Variants in MAPK10 observed in about 807,000 individuals in gnomAD.
MAPK10 encodes mitogen-activated protein kinase 10.
Under a neutral mutation model 59.3 loss-of-function variants are expected in MAPK10, and 25 were observed. That is an observed-to-expected ratio of 0.42 (90% CI 0.31 to 0.59). MAPK10 has a LOEUF of 0.59. Ranked by LOEUF, MAPK10 falls within the 20% of genes least tolerant of loss-of-function variation. The pLI, the probability that MAPK10 is intolerant of heterozygous loss-of-function variation, is 0.15. For missense variants in MAPK10, 351 were observed against 568.9 expected (o/e 0.62, Z 3.90); for synonymous variants, 190 against 200.5 (o/e 0.95, Z 0.44).
intron 11 of MAPK10, among the ~76,000 whole-genome samples, chr4:86,040,619 A>T (rs774117103): frequency 2.0e-5 from 3 of 152,186 alleles, no homozygotes; most frequent in Non-Finnish European, 4.4e-5. Context: ...ACGTAGAGGA[A>T]AGTTAAAGTT....
chr4:86,188,177 T>C (rs1230384238), intron 3 of MAPK10, among the ~76,000 whole-genome samples: 1 of 152,166 alleles, frequency 6.6e-6, no homozygotes, highest in East Asian at 1.9e-4. Context: ...GTTGCAAGTC[T>C]TGCTATTGTG....
At chr4:86,209,271 A>T (rs1262040049) in intron 2 of MAPK10, among the ~76,000 whole-genome samples, 2 of 152,168 alleles carry the variant, frequency 1.3e-5, no homozygotes, top group Admixed American at 6.6e-5. Context: ...GCAATGTTTA[A>T]GAAGCACATG....
intron 2 of MAPK10, among the ~76,000 whole-genome samples, chr4:86,312,274 A>G (rs888816568): frequency 6.6e-6 from 1 of 152,062 alleles, no homozygotes; most frequent in African/African-American, 2.4e-5. Flanking sequence ...TTTATATTAA[A>G]CTAACATGGA....
intron 11 of MAPK10, chr4:86,044,769 T>C (rs2042203749): frequency 2.5e-6 from 1 of 397,474 alleles, no homozygotes. Flanking sequence ...AAAGGAACAA[T>C]GGAAAGAGCA....
At chr4:86,061,053 C>T (rs988150948) in intron 11 of MAPK10, among the ~76,000 whole-genome samples, 2 of 152,070 alleles carry the variant, frequency 1.3e-5, no homozygotes, top group Non-Finnish European at 2.9e-5. Flanking sequence ...ATTTGCTAAG[C>T]ACTTTAACTT....
chr4:86,520,696 TCATATGAACAGTTA>T (rs1757046911), intron 1 of MAPK10, among the ~76,000 whole-genome samples: 1 of 152,186 alleles, frequency 6.6e-6, no homozygotes, highest in Non-Finnish European at 1.5e-5. Flanking sequence ...TCTCGTTTTG[TCATATGAACAGTTA>T]CTTTTTGGCT....
chr4:86,472,791 T>C (rs917990982), intron 1 of MAPK10, among the ~76,000 whole-genome samples: 9 of 152,232 alleles, frequency 5.9e-5, no homozygotes, highest in African/African-American at 1.9e-4. Flanking sequence ...ACACTACAGC[T>C]GTAACAGGAA....
chr4:86,320,581 C>G (rs950775084), intron 2 of MAPK10, among the ~76,000 whole-genome samples: 2 of 152,104 alleles, frequency 1.3e-5, no homozygotes, highest in Non-Finnish European at 2.9e-5. Flanking sequence ...GAGTAGGTTG[C>G]GAAAATTTTC....
chr4:86,169,206 T>A (rs935859227), intron 3 of MAPK10, among the ~76,000 whole-genome samples: 3 of 152,150 alleles, frequency 2.0e-5, no homozygotes, highest in Non-Finnish European at 4.4e-5. Context: ...AGAACAAAGC[T>A]GGACAGAGAA....
chr4:86,570,763 A>T (rs1259140349), intron 1 of MAPK10, among the ~76,000 whole-genome samples: 1 of 152,176 alleles, frequency 6.6e-6, no homozygotes, highest in East Asian at 1.9e-4. Flanking sequence ...TTCAGGAAAG[A>T]CTTCCTGGAG....
At chr4:86,235,471 C>T (rs2092122392) in intron 2 of MAPK10, among the ~76,000 whole-genome samples, 1 of 152,186 alleles carries the variant, frequency 6.6e-6, no homozygotes, top group Non-Finnish European at 1.5e-5. Flanking sequence ...CATCAGGCTG[C>T]AAGCTTATGC....
In MAPK10 at chr4:86,231,486, C is replaced by G. The variant is rs146129626; in HGVS notation, c.-6-37079G>C. Among the ~76,000 whole-genome samples the G allele has an allele frequency of 2.0e-3, 300 of 151,588 alleles. 1 individual carries two copies. The highest frequency in any genetic ancestry group is 7.0e-3 in the African/African-American group (290 of 41,348). ...CTGGCCAACATGATGAAACCCCGTC[C>G]CTACTAAAGAAAAAAAAAATACGAA... On this transcript the variant is annotated intron_variant, in intron 2 of 13. Coordinates refer to ENST00000641462, the MANE Select transcript of MAPK10 (RefSeq NM_138982.4).
At chr4:86,058,072 A>G (rs1178854584) in intron 11 of MAPK10, among the ~76,000 whole-genome samples, 1 of 149,834 alleles carries the variant, frequency 6.7e-6, no homozygotes, top group East Asian at 1.9e-4. Context: ...TTCTGCCAAG[A>G]CTATCAGGTT....
chr4:86,128,216 GTTC>G (rs2149132467), intron 4 of MAPK10, among the ~76,000 whole-genome samples: 1 of 152,142 alleles, frequency 6.6e-6, no homozygotes, highest in Non-Finnish European at 1.5e-5. Flanking sequence ...TGTTTCTAAA[GTTC>G]TTAATGCTTT....
intron 1 of MAPK10, among the ~76,000 whole-genome samples, chr4:86,412,533 AC>A (rs1745321502): frequency 6.6e-6 from 1 of 152,206 alleles, no homozygotes; most frequent in Admixed American, 6.5e-5. Flanking sequence ...ACTTTCTGGT[AC>A]ACCAATCAAA....
chr4:86,542,737 CA>C (rs1938863726), intron 1 of MAPK10, among the ~76,000 whole-genome samples: 3 of 152,152 alleles, frequency 2.0e-5, no homozygotes, highest in South Asian at 4.2e-4. Context: ...GTATGCTAGC[CA>C]AAGTCTTAGA....
chr4:86,525,093 C>T (rs371203859), intron 1 of MAPK10, among the ~76,000 whole-genome samples: 13 of 151,962 alleles, frequency 8.6e-5, no homozygotes, highest in Non-Finnish European at 1.5e-4. Flanking sequence ...AGCTCGAGTT[C>T]GAGACCAGCC....
At chr4:86,248,250 A>G (rs536498810) in intron 2 of MAPK10, among the ~76,000 whole-genome samples, 1 of 152,304 alleles carries the variant, frequency 6.6e-6, no homozygotes, top group African/African-American at 2.4e-5. Context: ...TTTCACAATC[A>G]GTTTAGAGAG....
At chr4:86,292,870 T>A (rs116580842) in intron 2 of MAPK10, among the ~76,000 whole-genome samples, 166 of 152,282 alleles carry the variant, frequency 1.1e-3, no homozygotes, top group Non-Finnish European at 1.7e-3. Flanking sequence ...TCTGGTCTCA[T>A]AACTATTTTT....
Sources: gnomAD v4.1 joint callset for allele counts (sites outside exome capture counted in the v4.1 genomes callset) on GRCh38, gnomAD v4.1.1 for gene constraint, MANE v1.5 for transcripts, NCBI Gene and HGNC (gene_info 2026-07-23, HGNC 2026-07-21) for gene names.